The following CYP2C19 variants were observed in gnomAD, a reference collection of about 807,000 sequenced individuals.
CYP2C19 encodes cytochrome P450 2C19.
A neutral mutation model predicts 40.9 loss-of-function variants in CYP2C19; 59 were observed. The observed-to-expected ratio is 1.44, with a 90% CI of 1.17 to 1.79. CYP2C19 has a LOEUF of 1.79. CYP2C19 is among the 40% of genes most tolerant of loss of function. CYP2C19 has a pLI of 0.00. For synonymous variants in CYP2C19, 253 were observed against 208.7 expected (o/e 1.21, Z -1.83); for missense variants, 754 against 596.9 (o/e 1.26, Z -2.74).
At chr10:94,845,822 CTT>C (rs937610664) in intron 7 of CYP2C19, among the ~76,000 whole-genome samples, 4 of 151,918 alleles carry the variant, frequency 2.6e-5, no homozygotes, top group African/African-American at 7.2e-5. Flanking sequence ...TATATGAAAA[CTT>C]AGTGGGTAGA....
chr10:94,850,811 G>A (rs1202547832), intron 8 of CYP2C19, among the ~76,000 whole-genome samples: 1 of 152,124 alleles, frequency 6.6e-6, no homozygotes, highest in African/African-American at 2.4e-5. Context: ...ACCATGGATG[G>A]GATCAGGGGG....
intron 6 of CYP2C19, among the ~76,000 whole-genome samples, chr10:94,821,467 A>T (rs967227578): frequency 6.6e-6 from 1 of 152,202 alleles, no homozygotes; most frequent in Non-Finnish European, 1.5e-5. Flanking sequence ...GTATTCTAAA[A>T]AGTTAGATTC....
At chr10:94,849,202 A>G (rs777025322) in intron 7 of CYP2C19, among the ~76,000 whole-genome samples, 18 of 152,168 alleles carry the variant, frequency 1.2e-4, no homozygotes, top group Non-Finnish European at 2.6e-4. Flanking sequence ...TGAAGTGATG[A>G]AATAGAGCAG....
chr10:94,848,565 T>C (rs566623724), intron 7 of CYP2C19, among the ~76,000 whole-genome samples: 29 of 152,324 alleles, frequency 1.9e-4, no homozygotes, highest in South Asian at 8.3e-4. Flanking sequence ...ATGCAGGCTC[T>C]TTTTTGGTTC....
intron 6 of CYP2C19, among the ~76,000 whole-genome samples, chr10:94,838,892 A>C (rs1243037114): frequency 1.3e-5 from 2 of 152,142 alleles, no homozygotes; most frequent in African/African-American, 2.4e-5. Flanking sequence ...CTCCCCCTTG[A>C]AGAGGATATC....
At chr10:94,793,311 G>C (rs2134247335) in intron 5 of CYP2C19, among the ~76,000 whole-genome samples, 1 of 152,162 alleles carries the variant, frequency 6.6e-6, no homozygotes, top group South Asian at 2.1e-4. Context: ...TCTTCCTTTA[G>C]CTTGGAGAAG....
chr10:94,835,510 G>A (rs1044697352), intron 6 of CYP2C19, among the ~76,000 whole-genome samples: 8 of 152,128 alleles, frequency 5.3e-5, no homozygotes, highest in South Asian at 2.1e-4. Context: ...CCTTCTATAA[G>A]CATTTCTAAT....
chr10:94,811,544 C>G (rs2984321), intron 5 of CYP2C19, among the ~76,000 whole-genome samples: 97 of 152,024 alleles, frequency 6.4e-4, no homozygotes, highest in Admixed American at 1.6e-3. Flanking sequence ...TTAAGAACTT[C>G]CTTTATGAAT....
At chr10:94,807,883 T>G (rs1848858269) in intron 5 of CYP2C19, among the ~76,000 whole-genome samples, 1 of 152,114 alleles carries the variant, frequency 6.6e-6, no homozygotes, top group East Asian at 1.9e-4. Context: ...TGCAGAAGTT[T>G]GCTATAATCT....
At chr10:94,781,736 T>C in intron 4 of CYP2C19, 85 bp from the exon 5 acceptor site, 1 of 592,200 alleles carries the variant, frequency 1.7e-6, no homozygotes, top group Non-Finnish European at 2.5e-6. Context: ...ATATTTATAG[T>C]TTTAAATTAC....
intron 5 of CYP2C19, among the ~76,000 whole-genome samples, chr10:94,809,825 T>A (rs959386331): frequency 2.0e-5 from 3 of 152,140 alleles, no homozygotes; most frequent in Non-Finnish European, 4.4e-5. Context: ...CAGATAGTCA[T>A]GTGGTTTTTC....
intron 5 of CYP2C19, among the ~76,000 whole-genome samples, chr10:94,815,591 C>G (rs1031682449): frequency 1.3e-5 from 2 of 152,220 alleles, no homozygotes; most frequent in Admixed American, 1.3e-4. Context: ...CCCTTACTCT[C>G]TCTTTTATTC....
chr10:94,768,529 G>A (rs1404167793), intron 1 of CYP2C19, among the ~76,000 whole-genome samples: 1 of 152,188 alleles, frequency 6.6e-6, no homozygotes, highest in Non-Finnish European at 1.5e-5. Context: ...CCCTCAAGGA[G>A]TAGCACCTGA....
intron 5 of CYP2C19, among the ~76,000 whole-genome samples, chr10:94,784,755 A>C (rs1564664191): frequency 2.0e-5 from 3 of 151,754 alleles, no homozygotes. Flanking sequence ...ATACCTGACT[A>C]ATTTTTATAT....
intron 7 of CYP2C19, among the ~76,000 whole-genome samples, chr10:94,848,021 G>C (rs901044999): frequency 3.9e-5 from 6 of 152,138 alleles, no homozygotes; most frequent in African/African-American, 1.4e-4. Flanking sequence ...CTCCCATTCT[G>C]TAGGTTGCCT....
At chr10:94,815,272 T>C (rs539570878) in intron 5 of CYP2C19, among the ~76,000 whole-genome samples, 110 of 152,224 alleles carry the variant, frequency 7.2e-4, no homozygotes, top group African/African-American at 2.5e-3. Context: ...TGTCTACACA[T>C]GTTGAGAGAA....
At chr10:94,777,001 C>A (rs1371733886) in intron 3 of CYP2C19, among the ~76,000 whole-genome samples, 1 of 152,006 alleles carries the variant, frequency 6.6e-6, no homozygotes, top group Non-Finnish European at 1.5e-5. Flanking sequence ...TTCCTATACA[C>A]CAATAATAGA....
At chr10:94,811,529 G>C (rs185968377) in intron 5 of CYP2C19, among the ~76,000 whole-genome samples, 1 of 151,956 alleles carries the variant, frequency 6.6e-6, no homozygotes. Flanking sequence ...CCTCTTTGTA[G>C]GTCTTTAAGA....
chr10:94,838,850 A>G (rs1849446275), intron 6 of CYP2C19, among the ~76,000 whole-genome samples: 1 of 152,158 alleles, frequency 6.6e-6, no homozygotes, highest in African/African-American at 2.4e-5. Flanking sequence ...AGATGGTGTT[A>G]TAATTTATAC....
Sources: gnomAD v4.1 joint callset for allele counts (sites outside exome capture counted in the v4.1 genomes callset) on GRCh38, gnomAD v4.1.1 for gene constraint, MANE v1.5 for transcripts, NCBI Gene and HGNC (gene_info 2026-07-23, HGNC 2026-07-21) for gene names.